Variants in ANKRD13A observed in about 807,000 individuals in gnomAD.
ANKRD13A encodes ankyrin repeat domain 13A.
In ANKRD13A, 48 loss-of-function variants were observed where a neutral mutation model predicts 81.3. That is an observed-to-expected ratio of 0.59 (90% CI 0.47 to 0.75). The LOEUF (loss-of-function observed/expected upper bound fraction) is 0.75. Among genes scored for constraint, ANKRD13A ranks in the 30% least tolerant of loss-of-function variants. ANKRD13A has a pLI of 0.00. For missense variants in ANKRD13A, 612 were observed against 734.0 expected, an observed-to-expected ratio of 0.83 and a Z score of 1.92; for synonymous variants, 230 against 270.1, an observed-to-expected ratio of 0.85 and a Z score of 1.45.
intron 1 of ANKRD13A, 117 bp from the exon 2 acceptor site, chr12:110,011,888 C>A: frequency 3.0e-6 from 3 of 994,196 alleles, no homozygotes; most frequent in African/African-American, 1.6e-5. Context: ...ACATGTGTTG[C>A]TCTAATTAAT....
chr12:110,033,894 TG>T lies in ANKRD13A; in HGVS notation c.1447del (p.Glu483LysfsTer5). Reference sequence around the variant, plus strand: ...ATGGCAGAAATGTGCATTTGCAAGATGAAGATTACGAGATAATGCAGTTTGC... The same window carrying T: ...ATGGCAGAAATGTGCATTTGCAAGATAAGATTACGAGATAATGCAGTTTGC... Reference protein sequence around the residue: ...DNGRNVHLQDEDYEIMQFAIQ... With the variant: ...DNGRNVHLQDXDYEIMQFAIQ... On this transcript the variant is annotated frameshift_variant, in exon 13 of 15. Coordinates refer to ENST00000261739, the MANE Select transcript of ANKRD13A (RefSeq NM_033121.2). LOFTEE classifies it high-confidence loss of function. 1.2e-6 allele frequency: 2 copies of T among 1,613,756 alleles called. No individual in the cohort carries two copies. The highest frequency in any genetic ancestry group is 1.7e-6 in the Non-Finnish European group (2 of 1,179,892).
intron 1 of ANKRD13A, among the ~76,000 whole-genome samples, chr12:110,005,152 TG>T (rs1399286009): frequency 6.6e-5 from 10 of 152,190 alleles, no homozygotes; most frequent in Admixed American, 2.0e-4. Flanking sequence ...CTTTCTTTTT[TG>T]TTTTTTTGTT....
chr12:110,032,993 A>G (rs1891785901), intron 12 of ANKRD13A, among the ~76,000 whole-genome samples: 1 of 152,048 alleles, frequency 6.6e-6, no homozygotes, highest in South Asian at 2.1e-4. Flanking sequence ...GAGAGGAAGA[A>G]GGGAATATTG....
At chr12:110,024,171 G>A (rs1891209918) in intron 7 of ANKRD13A, 59 bp downstream of exon 7, 2 of 1,479,388 alleles carry the variant, frequency 1.4e-6, no homozygotes, top group Non-Finnish European at 1.8e-6. Flanking sequence ...ATGCAAATGA[G>A]GAATCTGTTC....
At chr12:110,021,071 G>A (rs189390142) in intron 6 of ANKRD13A, 7 of 454,386 alleles carry the variant, frequency 1.5e-5, no homozygotes, top group South Asian at 3.1e-5. Flanking sequence ...CATTTGTACC[G>A]AGGACTAAGG....
chr12:110,003,241 G>C (rs1006237787), intron 1 of ANKRD13A, among the ~76,000 whole-genome samples: 1 of 152,156 alleles, frequency 6.6e-6, no homozygotes, highest in Non-Finnish European at 1.5e-5. Flanking sequence ...CTAGAGCCAG[G>C]CTCCCTGTTT....
chr12:110,034,121 C>T (rs1891877210), intron 13 of ANKRD13A, among the ~76,000 whole-genome samples, 164 bp downstream of exon 13: 1 of 152,194 alleles, frequency 6.6e-6, no homozygotes, highest in African/African-American at 2.4e-5. Context: ...CTTACAAAAG[C>T]TTGTTATGTA....
chr12:110,019,098 C>A (rs770394460), intron 5 of ANKRD13A, 41 bp from the exon 6 acceptor site: 2 of 1,525,738 alleles, frequency 1.3e-6, no homozygotes, highest in African/African-American at 1.4e-5. Context: ...TTTGCATCTT[C>A]CCTACTTTGC....
In ANKRD13A at chr12:110,029,610, C is replaced by G. The variant is rs1891559466; in HGVS notation, c.1209C>G (p.Phe403Leu). The G allele has an allele frequency of 6.2e-7, 1 of 1,613,318 alleles. No homozygotes were observed. The highest frequency in any genetic ancestry group is 1.3e-5 in the African/African-American group (1 of 74,888). Residue 403 changes from phenylalanine (F) to leucine (L), a missense_variant, in exon 11 of 15, where the codon TTC (phenylalanine) becomes TTG (leucine). Physicochemically the swap from Phe to Leu is conservative, Grantham distance 22. Coordinates refer to ENST00000261739, the MANE Select transcript of ANKRD13A (RefSeq NM_033121.2). Reference protein sequence around the residue: ...ARLRDFIKLEFPPGFPVKIEI... With the variant: ...ARLRDFIKLELPPGFPVKIEI... The stretch of plus-strand genomic sequence containing the variant: ...TGAGAGATTTCATCAAATTGGAATT[C>G]CCACCTGGATTTCCTGTCAAAATAG...
In ANKRD13A at chr12:110,018,205, A is replaced by G. The variant is rs942602564; in HGVS notation, c.401-140A>G. On this transcript the variant is annotated intron_variant, in intron 4 of 14. Transcript: ENST00000261739. This position sits in a 1 kb window ranked among gnomAD's most constrained non-coding sequence, Gnocchi z 4.4. ...AAGAGTGATTTCCTGTATGGTAAAT[A>G]TGAAAGCCAAGAAGTCCGTTGTTTG... The G allele has an allele frequency of 1.3e-5, 11 of 822,884 alleles. No individual in the cohort carries two copies. In the African/African-American group the frequency reaches 1.9e-4, roughly 14 times the overall value. The allele number at this position is 822,884 out of a possible 1,614,324, so 51.0% of individuals were successfully genotyped here. A position where few individuals can be genotyped will look rare whatever the true frequency, so the allele number is the denominator to read the frequency against.
At chr12:110,029,713 C>A in intron 11 of ANKRD13A, 78 bp downstream of exon 11, 1 of 1,544,132 alleles carries the variant, frequency 6.5e-7, no homozygotes, top group Non-Finnish European at 8.9e-7. Flanking sequence ...TGGCAGGATG[C>A]TTCAGGGAAT....
chr12:110,028,737 A>T, intron 10 of ANKRD13A, 95 bp downstream of exon 10: 23 of 1,505,094 alleles, frequency 1.5e-5, no homozygotes, highest in South Asian at 8.7e-5. Context: ...TGCCCTCCCC[A>T]CCACCCTTAT....
chr12:110,029,453 G>A, intron 10 of ANKRD13A, 25 bp from the exon 11 acceptor site: 1 of 1,601,336 alleles, frequency 6.2e-7, no homozygotes, highest in East Asian at 2.2e-5. Flanking sequence ...GATGACCTCA[G>A]TCTTTTCTTG....
At chr12:110,026,162 C>T (rs1199305520) in intron 8 of ANKRD13A, among the ~76,000 whole-genome samples, 6 of 151,746 alleles carry the variant, frequency 4.0e-5, no homozygotes, top group Non-Finnish European at 7.4e-5. Context: ...GGGGTTTCAC[C>T]ATGTTGGCCA....
chr12:110,033,823 G>GT lies in ANKRD13A; in HGVS notation c.1375_1376insT (p.Asp459ValfsTer6), dbSNP rs765504642. On this transcript the variant is annotated frameshift_variant, in exon 13 of 15. Transcript: ENST00000261739. LOFTEE classifies it high-confidence loss of function. ...TTCCCACATCACAAACTTTGAGGTT[G>GT]ATCAATCTGTGTTTGAAATTCCCGA... 5.0e-6 allele frequency: 8 copies of GT among 1,607,732 alleles called. No individual in the cohort carries two copies. In the Admixed American group the frequency reaches 1.4e-4, roughly 27 times the overall value.
Position 110,037,649 on chromosome 12 carries a change from T to C in ANKRD13A, c.*95T>C. On this transcript the variant is annotated 3_prime_UTR_variant, in exon 15 of 15. Coordinates refer to ENST00000261739, the MANE Select transcript of ANKRD13A (RefSeq NM_033121.2). ...GCCCTAGGGCTAAGGGCCTGCACCTTGCGTGCATGCAGCAGGCAACAACTG... is the reference window on the plus strand; with the variant it reads ...GCCCTAGGGCTAAGGGCCTGCACCTCGCGTGCATGCAGCAGGCAACAACTG... The C allele has an allele frequency of 1.6e-6, 2 of 1,272,402 alleles. No individual in the cohort carries two copies. The highest frequency in any genetic ancestry group is 2.1e-6 in the Non-Finnish European group (2 of 931,532). The allele number at this position is 1,272,402 out of a possible 1,614,324, so 78.8% of individuals were successfully genotyped here. A position where few individuals can be genotyped will look rare whatever the true frequency, so the allele number is the denominator to read the frequency against.
intron 6 of ANKRD13A, chr12:110,022,063 A>T (rs1324317199): frequency 6.6e-6 from 1 of 152,190 alleles, no homozygotes; most frequent in African/African-American, 2.4e-5. Flanking sequence ...ATGCTTTTGC[A>T]TGCAAAGTTA....
chr12:110,028,439 C>T (rs559083903), intron 9 of ANKRD13A, 73 bp from the exon 10 acceptor site: 1 of 1,569,500 alleles, frequency 6.4e-7, no homozygotes, highest in Non-Finnish European at 8.7e-7. Context: ...CCACCTCAGA[C>T]ACTGAGTGCC....
At chr12:110,028,700 T>G in intron 10 of ANKRD13A, 58 bp downstream of exon 10, 1 of 1,608,322 alleles carries the variant, frequency 6.2e-7, no homozygotes, top group Admixed American at 1.7e-5. Context: ...TTGTGCTGTT[T>G]TATGGTGTTA....
Sources: gnomAD v4.1 joint callset for allele counts (sites outside exome capture counted in the v4.1 genomes callset) on GRCh38, gnomAD v4.1.1 for gene constraint, Gnocchi (gnomAD v3.1) non-coding constraint, MANE v1.5 for transcripts, NCBI Gene and HGNC (gene_info 2026-07-23, HGNC 2026-07-21) for gene names.